TAAR9: variants seen among roughly 807,000 people sequenced by gnomAD.
TAAR9 encodes trace amine associated receptor 9, also known as trace amine-associated receptor 9.
For synonymous variants in TAAR9, 162 were observed against 152.6 expected (o/e 1.06, Z -0.45); for missense variants, 453 against 409.4 (o/e 1.11, Z -0.92).
chr6:132,538,882 G>A lies in TAAR9; in HGVS notation c.593G>A (p.Trp198Ter), dbSNP rs1198851551. The A allele has an allele frequency of 6.2e-7, 1 of 1,611,566 alleles. No homozygotes were observed. The highest frequency in any genetic ancestry group is 1.3e-5 in the African/African-American group (1 of 74,696). Residue 198 changes from tryptophan to a stop codon, truncating the protein, a stop_gained, in exon 1 of 1, where the codon TGG becomes TAG. Transcript: ENST00000434551. LOFTEE classifies it low-confidence loss of function (END_TRUNC). ...TGCCAGGCTCCACTGAATCAAAACTGGGTCCTACTTTGTTTTCTTCTATTC... is the reference window on the plus strand; with the variant it reads ...TGCCAGGCTCCACTGAATCAAAACTAGGTCCTACTTTGTTTTCTTCTATTC...
upstream of TAAR9, chr6:132,538,287 G>A (rs774790888): frequency 1.4e-5 from 22 of 1,568,914 alleles, no homozygotes; most frequent in Non-Finnish European, 1.8e-5. Context: ...AAACAAGAAA[G>A]CAATGGTGAA....
chr6:132,538,320 G>A, exon 1 of TAAR9: 1 of 1,608,876 alleles, frequency 6.2e-7, no homozygotes, highest in Non-Finnish European at 8.5e-7. Context: ...AGCTGAGGCT[G>A]TGGAGCTGTG....
chr6:132,539,166 T>C (rs61739522), exon 1 of TAAR9: 35 of 1,588,468 alleles, frequency 2.2e-5, no homozygotes, highest in Admixed American at 3.7e-5. Flanking sequence ...TCCTTATGTT[T>C]ATGAGATTTT....
chr6:132,538,358 T>TA lies in TAAR9; in HGVS notation c.73dup (p.Thr25AsnfsTer54). 1 of 1,613,572 alleles carries TA rather than the reference T, an allele frequency of 6.2e-7. No individual in the cohort carries two copies. Among genetic ancestry groups the TA allele is most frequent in the Non-Finnish European group, 8.5e-7 (1 of 1,179,718 alleles). On this transcript the variant is annotated frameshift_variant, in exon 1 of 1. Coordinates refer to ENST00000434551, the Ensembl canonical transcript of TAAR9. LOFTEE classifies it low-confidence loss of function (END_TRUNC). ...ACAAGAACGTGAACGAATCCTGCAT[T>TA]AAAACTCCTTACTCGCCAGGTCCTC...
exon 1 of TAAR9, chr6:132,539,309 A>T (rs550074721): frequency 1.2e-6 from 2 of 1,610,066 alleles, no homozygotes; most frequent in South Asian, 2.2e-5. Context: ...CAACTAATTT[A>T]TTTTCTGAAG....
exon 1 of TAAR9, chr6:132,538,892 T>C: frequency 6.2e-7 from 1 of 1,609,416 alleles, no homozygotes; most frequent in Non-Finnish European, 8.5e-7. Flanking sequence ...GGGTCCTACT[T>C]TGTTTTCTTC....
exon 1 of TAAR9, chr6:132,538,496 T>C: frequency 6.2e-7 from 1 of 1,613,148 alleles, no homozygotes; most frequent in Non-Finnish European, 8.5e-7. Context: ...CTACAAACTT[T>C]CTGATTGCGT....
At chr6:132,539,317 A>G in exon 1 of TAAR9, 1 of 1,608,712 alleles carries the variant, frequency 6.2e-7, no homozygotes, top group Admixed American at 1.7e-5. Context: ...TTATTTTCTG[A>G]AGAAGTAGAG....
chr6:132,539,121 G>A (rs9389004), exon 1 of TAAR9: 70,191 of 1,563,556 alleles, frequency 0.045, 1,818 homozygotes, highest in Non-Finnish European at 0.049. Context: ...CCTCGTTGAT[G>A]CAGTGATTGA....
rs772471963 is a variant in TAAR9, at chr6:132,538,383, C to T, written c.94C>T (p.Arg32Ter). 1.2e-5 allele frequency: 19 copies of T among 1,613,732 alleles called. No individual in the cohort carries two copies. The South Asian group carries it at 1.4e-4, about 12-fold the overall frequency. ...TAAAACTCCTTACTCGCCAGGTCCT[C>T]GATCTATCCTCTACGCCGTCCTTGG... Residue 32 changes from arginine to a stop codon, truncating the protein, a stop_gained, in exon 1 of 1, where the codon CGA becomes TGA. Coordinates refer to ENST00000434551, the Ensembl canonical transcript of TAAR9. LOFTEE classifies it low-confidence loss of function (END_TRUNC).
exon 1 of TAAR9, chr6:132,538,899 C>A: frequency 6.2e-7 from 1 of 1,605,880 alleles, no homozygotes; most frequent in South Asian, 1.1e-5. Flanking sequence ...ACTTTGTTTT[C>A]TTCTATTCTT....
At chr6:132,538,742 A>C in exon 1 of TAAR9, 1 of 1,613,838 alleles carries the variant, frequency 6.2e-7, no homozygotes. Context: ...TTTCAGGGAT[A>C]TGCATTGTTC....
exon 1 of TAAR9, chr6:132,538,774 C>T: frequency 6.2e-7 from 1 of 1,613,880 alleles, no homozygotes; most frequent in Non-Finnish European, 8.5e-7. Flanking sequence ...TTTTCTGTCA[C>T]ATACAGCTTT....
At chr6:132,538,855 G>A in exon 1 of TAAR9, 7 of 1,613,234 alleles carry the variant, frequency 4.3e-6, no homozygotes, top group Non-Finnish European at 5.9e-6. Flanking sequence ...TGTGTAGGAG[G>A]CTGCCAGGCT....
In TAAR9 at chr6:132,539,092, T is replaced by C. The variant is rs778673378; in HGVS notation, c.803T>C (p.Leu268Pro). ...TTGGGAATTGCTATGGCAGCATTTC[T>C]TGTCTCTTGGCTACCATACCTCGTT... The change falls in exon 1 of 1, where the codon CTT (leucine) becomes CCT (proline). Residue 268 changes from leucine (L) to proline (P), a missense_variant. Transcript: ENST00000434551. 7.1e-6 allele frequency: 11 copies of C among 1,541,988 alleles called. No homozygotes were observed. In the African/African-American group the frequency reaches 1.5e-4, roughly 21 times the overall value.
exon 1 of TAAR9, chr6:132,538,855 G>C (rs201295711): frequency 4.3e-6 from 7 of 1,613,116 alleles, no homozygotes; most frequent in African/African-American, 2.7e-5. Flanking sequence ...TGTGTAGGAG[G>C]CTGCCAGGCT....
chr6:132,539,263 T>C (rs770631399), exon 1 of TAAR9: 35 of 1,613,124 alleles, frequency 2.2e-5, no homozygotes, highest in South Asian at 1.1e-4. Flanking sequence ...ATAAAACTTA[T>C]TGTAAGCGGC....
At chr6:132,538,838 T>C in exon 1 of TAAR9, 1 of 1,613,930 alleles carries the variant, frequency 6.2e-7, no homozygotes, top group Non-Finnish European at 8.5e-7. Context: ...TAGTAGTTGC[T>C]CTAACCTGTG....
rs778384403 is a variant in TAAR9 at position 132,538,688 on chromosome 6, T to C, written c.399T>C (p.Ala133=). 25 of 1,613,098 alleles carry C rather than the reference T, an allele frequency of 1.5e-5. No homozygotes were observed. In the Admixed American group the frequency reaches 4.2e-4, roughly 27 times the overall value. Residue 133 remains alanine, a synonymous_variant, in exon 1 of 1, where the codon GCT becomes GCC. Coordinates refer to ENST00000434551, the Ensembl canonical transcript of TAAR9. ...GTATCTCTGTTGATAGATACATTGC[T>C]GTTACTGATCCTCTGACCTATCCAA...
Sources: gnomAD v4.1 joint callset for allele counts on GRCh38, gnomAD v4.1.1 for gene constraint, MANE v1.5 for transcripts, NCBI Gene and HGNC (gene_info 2026-07-23, HGNC 2026-07-21) for gene names.